Variants in NBPF26 observed in about 807,000 individuals in gnomAD.
The protein encoded by NBPF26 is NBPF family member NBPF26.
Under a neutral mutation model 119.6 loss-of-function variants are expected in NBPF26, and 79 were observed. That is an observed-to-expected ratio of 0.66 (90% confidence interval 0.55 to 0.80). The LOEUF (loss-of-function observed/expected upper bound fraction) is 0.80. NBPF26 is among the 30% of genes least tolerant of loss of function. The pLI is 0.00. For synonymous variants in NBPF26, 299 were observed against 457.7 expected (o/e 0.65, Z 4.43); for missense variants, 800 against 1,198.2 (o/e 0.67, Z 4.91).
chr1:120,840,651 A>T (rs1335643805), downstream of NBPF26: 106 of 1,446,196 alleles, frequency 7.3e-5, 26 homozygotes, highest in Non-Finnish European at 9.1e-5. Flanking sequence ...TAGGCACGTG[A>T]AGATTTGAAT....
At position 120,768,031 on chromosome 1, in the gene NBPF26, C is replaced by A. The variant is rs1248095991; in HGVS notation, c.155+4322C>A. Among the ~76,000 whole-genome samples the A allele has an allele frequency of 1.9e-4, 21 of 108,954 alleles. 3 individuals carry two copies. The highest frequency in any genetic ancestry group is 1.5e-3 in the Admixed American group (17 of 11,276). The allele number at this position is 108,954 out of a possible 152,430, so 71.5% of individuals were successfully genotyped here. On this transcript the variant is annotated intron_variant, in intron 2 of 29. Coordinates refer to ENST00000620612, the Ensembl canonical transcript of NBPF26. ...TGGTAGTTTTACATTACTTACTGGA[C>A]ATTGTGGGTGATAGATTTTAAAGTT...
At position 120,730,617 on chromosome 1, in the gene NBPF26, A is replaced by G. The variant is rs1399256910; in HGVS notation, c.73+6367A>G. 1.5e-4 allele frequency among the ~76,000 whole-genome samples: 17 copies of G among 115,546 alleles called. 2 individuals carry two copies. Among genetic ancestry groups the G allele is most frequent in the Admixed American group, 7.4e-4 (9 of 12,132 alleles). 75.8% of individuals were successfully genotyped at this position (115,546 alleles called of 152,430 possible). Reference sequence around the variant, plus strand: ...GTCTCACTTTTTGGAGGAGAATATTATCTGTGTGGCAGAACATACATTGTG... The same window carrying G: ...GTCTCACTTTTTGGAGGAGAATATTGTCTGTGTGGCAGAACATACATTGTG... On this transcript the variant is annotated intron_variant, in intron 1 of 29. Transcript: ENST00000620612.
Position 120,761,151 on chromosome 1 carries a change from C to T in NBPF26, c.74-2477C>T, listed in dbSNP as rs1651133029. ...GTAAAGTTATTTGCTAGATTGATTG[C>T]TACATATTGACTTTGGGTTGCTTGT... On this transcript the variant is annotated intron_variant, in intron 1 of 29. Coordinates refer to ENST00000620612, the Ensembl canonical transcript of NBPF26. Among the ~76,000 whole-genome samples, 3 of 125,578 alleles carry T rather than the reference C, an allele frequency of 2.4e-5. 1 individual carries two copies. The highest frequency in any genetic ancestry group is 4.9e-5 in the Non-Finnish European group (3 of 61,146). The allele number at this position is 125,578 out of a possible 152,430, so 82.4% of individuals were successfully genotyped here.
intron 1 of NBPF26, among the ~76,000 whole-genome samples, chr1:120,754,742 T>A (rs1469797245): frequency 8.7e-6 from 1 of 115,420 alleles, no homozygotes; most frequent in Non-Finnish European, 1.6e-5. Context: ...AGGCTAAGAG[T>A]GGAGAGTGTA....
chr1:120,806,222 C>A (rs1557987444), intron 5 of NBPF26, among the ~76,000 whole-genome samples: 1 of 123,538 alleles, frequency 8.1e-6, no homozygotes, highest in Non-Finnish European at 1.6e-5. Context: ...GTGATAGTAC[C>A]CAGTACCTGT....
rs1436083981 is a variant in NBPF26, at chr1:120,751,606, G to A, written c.74-12022G>A. ...AGGGCATCTGCTCGTTCGCTCGCTC[G>A]CTTGCTCTTTCTCTCTTCCCTTTTC... On this transcript the variant is annotated intron_variant, in intron 1 of 29. Coordinates refer to ENST00000620612, the Ensembl canonical transcript of NBPF26. 3.5e-5 allele frequency among the ~76,000 whole-genome samples: 2 copies of A among 57,290 alleles called. 1 individual carries two copies. The highest frequency in any genetic ancestry group is 1.1e-4 in the African/African-American group (2 of 18,006). The allele number at this position is 57,290 out of a possible 152,430, so 37.6% of individuals were successfully genotyped here.
chr1:120,822,864 T>A (rs1419522050), intron 16 of NBPF26, among the ~76,000 whole-genome samples: 1 of 119,982 alleles, frequency 8.3e-6, no homozygotes, highest in Non-Finnish European at 1.6e-5. Context: ...GATGCTTCTG[T>A]GTAGAACCAA....
At chr1:120,793,405 A>G in exon 4 of NBPF26, 1 of 1,439,624 alleles carries the variant, frequency 6.9e-7, no homozygotes, top group Non-Finnish European at 9.3e-7. Context: ...ACTGTGACAG[A>G]CTGTATGTGC....
chr1:120,790,743 G>A lies in NBPF26; in HGVS notation c.416-2418G>A, dbSNP rs1329202014. Among the ~76,000 whole-genome samples, 2 of 110,834 alleles carry A rather than the reference G, an allele frequency of 1.8e-5. 1 individual carries two copies. Among genetic ancestry groups the A allele is most frequent in the South Asian group, 5.3e-4 (2 of 3,796 alleles). 72.7% of individuals were successfully genotyped at this position (110,834 alleles called of 152,430 possible). A position where few individuals can be genotyped will look rare whatever the true frequency, so the allele number is the denominator to read the frequency against. ...GCCTCCCAGGTAGCTGGGATTACAG[G>A]TATGCGCTATGAAGCCCGGCTAATT... On this transcript the variant is annotated intron_variant, in intron 3 of 29. Coordinates refer to ENST00000620612, the Ensembl canonical transcript of NBPF26.
In NBPF26 at chr1:120,754,811, A is replaced by G. The variant is rs1241872178; in HGVS notation, c.74-8817A>G. ...TCAAAACTGTTTCAGTTTTGCAAAG[A>G]TTAGAAAAGTACAATTCTACTTTCT... On this transcript the variant is annotated intron_variant, in intron 1 of 29. Coordinates refer to ENST00000620612, the Ensembl canonical transcript of NBPF26. Among the ~76,000 whole-genome samples, 14 of 114,262 alleles carry G rather than the reference A, an allele frequency of 1.2e-4. 4 individuals carry two copies. The highest frequency in any genetic ancestry group is 1.0e-3 in the Admixed American group (12 of 11,844). The allele number at this position is 114,262 out of a possible 152,430, so 75.0% of individuals were successfully genotyped here. A position where few individuals can be genotyped will look rare whatever the true frequency, so the allele number is the denominator to read the frequency against.
Position 120,794,177 on chromosome 1 carries a change from C to T in NBPF26, c.751+681C>T, listed in dbSNP as rs1651529064. On this transcript the variant is annotated intron_variant, in intron 4 of 29. Coordinates refer to ENST00000620612, the Ensembl canonical transcript of NBPF26. ...TGGCACAATACTTTGTTACACTCTT[C>T]ACTGATACAAGTGTTGTAGAGTGCA... Among the ~76,000 whole-genome samples the T allele has an allele frequency of 1.7e-5, 2 of 116,156 alleles. 1 individual carries two copies. The highest frequency in any genetic ancestry group is 5.0e-4 in the South Asian group (2 of 4,018). 76.2% of individuals were successfully genotyped at this position (116,156 alleles called of 152,430 possible). A position where few individuals can be genotyped will look rare whatever the true frequency, so the allele number is the denominator to read the frequency against.
chr1:120,753,798 ATGT>A lies in NBPF26; in HGVS notation c.74-9825_74-9823del, dbSNP rs1651049434. On this transcript the variant is annotated intron_variant, in intron 1 of 29. Coordinates refer to ENST00000620612, the Ensembl canonical transcript of NBPF26. ...CCTGAGCAATTTAAGCTAAAAGAAT[ATGT>A]TGTTTCTTTTGGGTGTATAGCAAGA... Among the ~76,000 whole-genome samples the A allele has an allele frequency of 8.9e-5, 3 of 33,720 alleles. No homozygotes were observed. The South Asian group carries it at 2.7e-3, about 30-fold the overall frequency. 22.1% of individuals were successfully genotyped at this position (33,720 alleles called of 152,430 possible).
Position 120,810,564 on chromosome 1 carries a change from C to A in NBPF26, c.1564+6C>A. The A allele has an allele frequency of 2.7e-6, 4 of 1,463,130 alleles. No individual in the cohort carries two copies. Among genetic ancestry groups the A allele is most frequent in the Admixed American group, 1.8e-5 (1 of 55,920 alleles). The allele number at this position is 1,463,130 out of a possible 1,614,324, so 90.6% of individuals were successfully genotyped here. A position where few individuals can be genotyped will look rare whatever the true frequency, so the allele number is the denominator to read the frequency against. On this transcript the variant is annotated splice_donor_region_variant and intron_variant, in intron 9 of 29. Coordinates refer to ENST00000620612, the Ensembl canonical transcript of NBPF26. ...TGCTCTAAACATTCTCCCAGGTAGC[C>A]TCTATTTTCCTTGTGTCTCATACCT... is the stretch of plus-strand genomic sequence containing the variant.
At position 120,802,188 on chromosome 1, in the gene NBPF26, A is replaced by T. The variant is rs1337548907; in HGVS notation, c.752-3368A>T. Reference sequence around the variant, plus strand: ...ATGGTATCAGCGGGTCCCCAAACTGACTGCACATCTGAGTCATGTTAACAA... The same window carrying T: ...ATGGTATCAGCGGGTCCCCAAACTGTCTGCACATCTGAGTCATGTTAACAA... On this transcript the variant is annotated intron_variant, in intron 4 of 29. Transcript: ENST00000620612. 5.5e-4 allele frequency among the ~76,000 whole-genome samples: 67 copies of T among 121,026 alleles called. 22 individuals carry two copies. Among genetic ancestry groups the T allele is most frequent in the African/African-American group, 2.6e-3 (63 of 24,266 alleles). The allele number at this position is 121,026 out of a possible 152,430, so 79.4% of individuals were successfully genotyped here. A position where few individuals can be genotyped will look rare whatever the true frequency, so the allele number is the denominator to read the frequency against.
chr1:120,777,600 A>T (rs1433888283), intron 2 of NBPF26, among the ~76,000 whole-genome samples: 1 of 89,682 alleles, frequency 1.1e-5, no homozygotes, highest in Admixed American at 1.1e-4. Context: ...ACTTTTTTTT[A>T]AAGTTCTTTT....
At chr1:120,804,445 T>G (rs1651626780) in intron 4 of NBPF26, among the ~76,000 whole-genome samples, 1 of 75,408 alleles carries the variant, frequency 1.3e-5, no homozygotes, top group Non-Finnish European at 2.3e-5. Flanking sequence ...AAAATATATA[T>G]CAAACCATAT....
At chr1:120,802,580 G>T (rs1553269096) in intron 4 of NBPF26, among the ~76,000 whole-genome samples, 1 of 121,528 alleles carries the variant, frequency 8.2e-6, no homozygotes, top group Non-Finnish European at 1.6e-5. Flanking sequence ...AGCATGCTTT[G>T]AATATAAATT....
intron 27 of NBPF26, among the ~76,000 whole-genome samples, chr1:120,838,524 G>A (rs111249846): frequency 1.2e-5 from 1 of 83,746 alleles, no homozygotes; most frequent in African/African-American, 5.4e-5. Flanking sequence ...GTGTGTGTGT[G>A]TGTGTGTGTG....
At chr1:120,836,680 T>G in intron 25 of NBPF26, 112 bp downstream of exon 31, 2 of 6,932 alleles carry the variant, frequency 2.9e-4, no homozygotes, top group South Asian at 1.3e-3. Flanking sequence ...GTTGAATTAC[T>G]CCTACTGACA....
Sources: allele counts gnomAD v4.1 joint callset (sites outside exome capture counted in the v4.1 genomes callset), GRCh38; gene constraint gnomAD v4.1.1; transcripts MANE v1.5; gene names NCBI Gene and HGNC (gene_info 2026-07-23, HGNC 2026-07-21).